KHDC1: variants seen among roughly 807,000 people sequenced by gnomAD.
KHDC1 encodes the protein KH domain containing 1, also known as KH homology domain-containing protein 1.
KHDC1 carries 21 observed loss-of-function variants against 24.7 expected under a neutral mutation model. That is an observed-to-expected ratio of 0.85 (90% CI 0.60 to 1.23). KHDC1 has a LOEUF of 1.23. KHDC1 is among the 50% of genes most tolerant of loss of function. The pLI is 0.00. For missense variants in KHDC1, 274 were observed against 298.5 expected, an observed-to-expected ratio of 0.92 and a Z score of 0.61; for synonymous variants, 98 against 111.7, an observed-to-expected ratio of 0.88 and a Z score of 0.77.
At chr6:73,309,463 G>A in intron 1 of KHDC1, 1 of 1,309,322 alleles carries the variant, frequency 7.6e-7, no homozygotes, top group East Asian at 2.5e-5. Flanking sequence ...GAGCTGGAGT[G>A]ATCCTGAAAG....
intron 2 of KHDC1, among the ~76,000 whole-genome samples, chr6:73,265,909 A>G (rs1582564168): frequency 1.3e-5 from 2 of 152,268 alleles, no homozygotes; most frequent in East Asian, 3.9e-4. Context: ...CAACATGGCG[A>G]GATCCCTTTT....
intron 1 of KHDC1, chr6:73,309,419 G>C: frequency 1.2e-6 from 1 of 841,388 alleles, no homozygotes; most frequent in Non-Finnish European, 1.7e-6. Context: ...TTAACATGGT[G>C]ATTTGCAGAA....
intron 2 of KHDC1, among the ~76,000 whole-genome samples, chr6:73,251,754 C>T (rs1367355829): frequency 1.3e-5 from 2 of 151,672 alleles, no homozygotes; most frequent in Non-Finnish European, 2.9e-5. Context: ...TAAATTAAAT[C>T]ATATCCTTTT....
chr6:73,302,894 T>C (rs147248463), intron 1 of KHDC1, among the ~76,000 whole-genome samples: 104 of 152,208 alleles, frequency 6.8e-4, no homozygotes, highest in Non-Finnish European at 1.3e-3. Context: ...CTAGCCAACA[T>C]AGTGAAACCC....
intron 2 of KHDC1, chr6:73,291,215 A>G (rs1767645303): frequency 4.4e-6 from 2 of 455,136 alleles, no homozygotes; most frequent in Non-Finnish European, 4.4e-6. Flanking sequence ...CTGGTCTGCA[A>G]CTTCCACTGC....
At chr6:73,306,327 G>A (rs1018640286) in intron 1 of KHDC1, among the ~76,000 whole-genome samples, 26 of 151,752 alleles carry the variant, frequency 1.7e-4, no homozygotes, top group Admixed American at 7.2e-4. Flanking sequence ...TCCCTCACCC[G>A]ACACCCCGAG....
Position 73,272,117 on chromosome 6 carries a change from CTT to C in KHDC1, c.206+19879_206+19880del, listed in dbSNP as rs1767190348. 3.3e-5 allele frequency among the ~76,000 whole-genome samples: 5 copies of C among 151,560 alleles called. No homozygotes were observed. In the South Asian group the frequency reaches 8.4e-4, roughly 25 times the overall value. On this transcript the variant is annotated intron_variant, in intron 2 of 4. Transcript: ENST00000370384. ...GTCTCTAAAGGTCCACCAGAAAAAA[CTT>C]TTGATCATGCAAACCTAAGTTTATT... is the stretch of plus-strand genomic sequence containing the variant.
Position 73,263,272 on chromosome 6 carries a change from A to G in KHDC1, c.207-20742T>C, listed in dbSNP as rs569314373. The G allele has an allele frequency of 4.4e-5, 43 of 985,718 alleles. 1 individual carries two copies. In the South Asian group the frequency reaches 7.0e-4, roughly 16 times the overall value. 61.1% of individuals were successfully genotyped at this position (985,718 alleles called of 1,614,324 possible). ...AGCCCTCCTCCCGCCTGCTCTGTGT[A>G]GGAGACAGCCTGCGGAGCCCACTGC... On this transcript the variant is annotated intron_variant, in intron 2 of 4. Transcript: ENST00000370384.
chr6:73,309,963 G>GCTCAAGCTCCAGGC, exon 1 of KHDC1: 1 of 469,990 alleles, frequency 2.1e-6, no homozygotes, highest in Non-Finnish European at 3.8e-6. Flanking sequence ...ACGTCCCAGG[G>GCTCAAGCTCCAGGC]CTCAAGCTCC....
At chr6:73,303,460 G>C (rs564763469) in intron 1 of KHDC1, among the ~76,000 whole-genome samples, 3 of 152,180 alleles carry the variant, frequency 2.0e-5, no homozygotes, top group Non-Finnish European at 4.4e-5. Flanking sequence ...TGCATAGTCT[G>C]AAGTATCTCC....
intron 2 of KHDC1, among the ~76,000 whole-genome samples, chr6:73,288,903 C>T (rs1023636283): frequency 2.0e-5 from 3 of 151,364 alleles, no homozygotes; most frequent in East Asian, 1.9e-4. Context: ...GCCTAGTAGA[C>T]GGTCTTAAAG....
intron 1 of KHDC1, among the ~76,000 whole-genome samples, chr6:73,302,377 T>C (rs1410943707): frequency 6.6e-6 from 1 of 152,176 alleles, no homozygotes; most frequent in Non-Finnish European, 1.5e-5. Flanking sequence ...TTCTGAAAAA[T>C]GCACTGTTAG....
rs1025180869 is a variant in KHDC1 at position 73,262,881 on chromosome 6, T to G, written c.207-20351A>C. ...GGAGGGCAGAATTCAGGACTGAGCATCTCAGTGATGCCGCCGGGAACCCAG... is the reference window on the plus strand; with the variant it reads ...GGAGGGCAGAATTCAGGACTGAGCAGCTCAGTGATGCCGCCGGGAACCCAG... On this transcript the variant is annotated intron_variant, in intron 2 of 4. It removes an upstream start codon present in the reference 5' UTR. Coordinates refer to ENST00000370384, the Ensembl canonical transcript of KHDC1. 45 of 986,386 alleles carry G rather than the reference T, an allele frequency of 4.6e-5. No homozygotes were observed. Among genetic ancestry groups the G allele is most frequent in the Non-Finnish European group, 5.2e-5 (43 of 830,396 alleles). 61.1% of individuals were successfully genotyped at this position (986,386 alleles called of 1,614,324 possible).
intron 2 of KHDC1, among the ~76,000 whole-genome samples, chr6:73,250,769 G>A (rs1055019297): frequency 6.6e-6 from 1 of 152,222 alleles, no homozygotes; most frequent in African/African-American, 2.4e-5. Context: ...AAAACCTGAA[G>A]AGTGAAAAGC....
intron 2 of KHDC1, among the ~76,000 whole-genome samples, chr6:73,290,231 C>T (rs1767620571): frequency 6.6e-6 from 1 of 150,980 alleles, no homozygotes; most frequent in Non-Finnish European, 1.5e-5. Context: ...GAGCTGACAT[C>T]ATGCCACTGC....
At chr6:73,290,106 C>CA (rs140342387) in intron 2 of KHDC1, among the ~76,000 whole-genome samples, 73,110 of 86,468 alleles carry the variant, frequency 0.85, 32,151 homozygotes, top group Non-Finnish European at 0.95. Context: ...GACTCCGTCT[C>CA]AAAAAAAAAA....
At chr6:73,256,722 A>G (rs1234053405) in intron 2 of KHDC1, among the ~76,000 whole-genome samples, 1 of 152,152 alleles carries the variant, frequency 6.6e-6, no homozygotes, top group African/African-American at 2.4e-5. Flanking sequence ...GTCTCATCTC[A>G]TATAATCCAC....
chr6:73,309,049 T>G (rs1231970626), intron 1 of KHDC1, among the ~76,000 whole-genome samples: 3 of 152,122 alleles, frequency 2.0e-5, no homozygotes, highest in Middle Eastern at 3.2e-3. Flanking sequence ...GGTCTGAAAC[T>G]CCTGACCTCA....
chr6:73,292,129 T>C, intron 1 of KHDC1: 1 of 1,582,788 alleles, frequency 6.3e-7, no homozygotes, highest in Admixed American at 1.7e-5. Context: ...TTGCTATGGA[T>C]GCATACAAAA....
Sources: allele counts gnomAD v4.1 joint callset (sites outside exome capture counted in the v4.1 genomes callset), GRCh38; gene constraint gnomAD v4.1.1; transcripts MANE v1.5; gene names NCBI Gene and HGNC (gene_info 2026-07-23, HGNC 2026-07-21).